Variants in IGSF9B observed in about 807,000 individuals in gnomAD.
IGSF9B encodes the protein protein turtle homolog B.
Under a neutral mutation model 143.7 loss-of-function variants are expected in IGSF9B, and 48 were observed. That is an observed-to-expected ratio of 0.33 (90% CI 0.26 to 0.42). The LOEUF (loss-of-function observed/expected upper bound fraction) is 0.42, where lower values mean the gene tolerates loss of function less well. Ranked by LOEUF, IGSF9B falls within the 20% of genes least tolerant of loss-of-function variation. The pLI, the probability that IGSF9B is intolerant of heterozygous loss-of-function variation, is 1.00. For missense variants in IGSF9B, 1,706 were observed against 1,980.0 expected, an observed-to-expected ratio of 0.86 and a Z score of 2.63; for synonymous variants, 903 against 833.1, an observed-to-expected ratio of 1.08 and a Z score of -1.44.
At chr11:133,947,708 T>TTCTCTC (rs112387633) in intron 1 of IGSF9B, among the ~76,000 whole-genome samples, 6,461 of 134,832 alleles carry the variant, frequency 0.048, 217 homozygotes, top group African/African-American at 0.075. Context: ...TCTGTGTTTG[T>TTCTCTC]TCTCTCTCTC....
At chr11:133,933,243 T>G (rs484869) in intron 7 of IGSF9B, among the ~76,000 whole-genome samples, 148,905 of 152,290 alleles carry the variant, frequency 0.98, 72,810 homozygotes, top group East Asian at 1. Flanking sequence ...CCTAGACCCC[T>G]AGCGTCAAAG....
At position 133,903,081 on chromosome 11, in the gene IGSF9B, G is replaced by A. The variant is rs752494450; in HGVS notation, c.*5988C>T. Among the ~76,000 whole-genome samples the A allele has an allele frequency of 8.0e-5, 12 of 149,710 alleles. No homozygotes were observed. Among genetic ancestry groups the A allele is most frequent in the Admixed American group, 1.3e-4 (2 of 15,002 alleles). ...CATCGTAAACCACGCACATGTTCAC[G>A]ATCCCTGGAGCCATACAGAAGTGGG... On this transcript the variant is annotated 3_prime_UTR_variant, in exon 20 of 20. Coordinates refer to ENST00000533871, the MANE Select transcript of IGSF9B (RefSeq NM_001277285.4).
intron 18 of IGSF9B, among the ~76,000 whole-genome samples, chr11:133,917,723 T>G (rs1400430725): frequency 6.6e-6 from 1 of 151,970 alleles, no homozygotes; most frequent in African/African-American, 2.4e-5. Context: ...ATCCCAACCT[T>G]GTACTCCTCG....
In IGSF9B at chr11:133,908,927, ACCCG is replaced by A. The variant is rs1255604801; in HGVS notation, c.*138_*141del. On this transcript the variant is annotated 3_prime_UTR_variant, in exon 20 of 20. Coordinates refer to ENST00000533871, the MANE Select transcript of IGSF9B (RefSeq NM_001277285.4). ...AGGCGGCCAGGATCTGGAGGGAGACACCCGCTCTGGCAAAAGAGGGGGCATGCAG... is the reference window on the plus strand; with the variant it reads ...AGGCGGCCAGGATCTGGAGGGAGACACTCTGGCAAAAGAGGGGGCATGCAG... 1 of 701,456 alleles carries A rather than the reference ACCCG, an allele frequency of 1.4e-6. No homozygotes were observed. The highest frequency in any genetic ancestry group is 2.4e-6 in the Non-Finnish European group (1 of 423,196). The allele number at this position is 701,456 out of a possible 1,614,324, so 43.5% of individuals were successfully genotyped here.
rs368881736 is a variant in IGSF9B, at chr11:133,932,176, G to A, written c.1005C>T (p.Tyr335=). 576 of 1,595,538 alleles carry A rather than the reference G, an allele frequency of 3.6e-4. No homozygotes were observed. Among genetic ancestry groups the A allele is most frequent in the Non-Finnish European group, 4.2e-4 (490 of 1,171,066 alleles). ...ARVLNMPPVI[Y]VPVGIHGYIR... ...TGTAGCCATGGATCCCCACGGGCAC[G>A]TAAATCACAGGGGGCATGTTGAGGA... The change falls in exon 8 of 20, where the codon TAC becomes TAT. Residue 335 remains tyrosine (Y), a synonymous_variant. Coordinates refer to ENST00000533871, the MANE Select transcript of IGSF9B (RefSeq NM_001277285.4).
Position 133,908,823 on chromosome 11 carries a change from CA to C in IGSF9B, c.*245del. On this transcript the variant is annotated 3_prime_UTR_variant, in exon 20 of 20. Coordinates refer to ENST00000533871, the MANE Select transcript of IGSF9B (RefSeq NM_001277285.4). ...GAAGCAGGGGGCGGAGGGGAGGAGA[CA>C]GGTGTTGCCCAGTCTCCAATCCACT... is the stretch of plus-strand genomic sequence containing the variant. 1.7e-5 allele frequency: 8 copies of C among 471,808 alleles called. No homozygotes were observed. Among genetic ancestry groups the C allele is most frequent in the South Asian group, 3.8e-5 (1 of 26,014 alleles). The allele number at this position is 471,808 out of a possible 1,614,324, so 29.2% of individuals were successfully genotyped here.
chr11:133,913,436 C>T lies in IGSF9B; in HGVS notation c.3984-1429G>A, dbSNP rs1022590958. ...GACTTACACACTAATTGCAGATAAG[C>T]CTCTGGTCTCTGGGGTTTCCTGCAT... On this transcript the variant is annotated intron_variant, in intron 18 of 19. Transcript: ENST00000533871. This position sits in a 1 kb window ranked among gnomAD's most constrained non-coding sequence, Gnocchi z 4.6. 6.6e-6 allele frequency among the ~76,000 whole-genome samples: 1 copy of T among 152,174 alleles called. No individual in the cohort carries two copies. Among genetic ancestry groups the T allele is most frequent in the Non-Finnish European group, 1.5e-5 (1 of 68,030 alleles).
At chr11:133,949,795 C>T (rs11223640) in intron 1 of IGSF9B, among the ~76,000 whole-genome samples, 3 of 151,852 alleles carry the variant, frequency 2.0e-5, no homozygotes, top group Admixed American at 2.0e-4. Context: ...CTGAGCCCCT[C>T]TCCATCACAG....
In IGSF9B at chr11:133,944,364, G is replaced by A. The variant is rs1158174189; in HGVS notation, c.265C>T (p.Arg89Trp). ...GATGCCTTATCATGAAGACTGGCCC[G>A]GCCTGGGGGAATAGAGCAGACAAAA... is the stretch of plus-strand genomic sequence containing the variant. ...PPHVDPEYAG[R>W]ASLHDKASLR... Residue 89 changes from arginine to tryptophan, a missense_variant and splice_region_variant, in exon 3 of 20, where the codon CGG becomes TGG. Transcript: ENST00000533871. 7 of 1,613,224 alleles carry A rather than the reference G, an allele frequency of 4.3e-6. No individual in the cohort carries two copies. The highest frequency in any genetic ancestry group is 2.2e-5 in the East Asian group (1 of 44,874).
chr11:133,938,016 G>T, intron 3 of IGSF9B, 55 bp from the exon 4 acceptor site: 1 of 1,576,208 alleles, frequency 6.3e-7, no homozygotes, highest in Non-Finnish European at 8.7e-7. Context: ...TCGCTGCCCT[G>T]CAACAACAGT....
chr11:133,918,693 C>G (rs1939442838), intron 18 of IGSF9B, among the ~76,000 whole-genome samples: 1 of 147,974 alleles, frequency 6.8e-6, no homozygotes, highest in Non-Finnish European at 1.5e-5. Flanking sequence ...GCTGGGCTCC[C>G]TCCTCCTCGA....
At chr11:133,933,344 A>G (rs10894764) in intron 7 of IGSF9B, among the ~76,000 whole-genome samples, 22,871 of 152,262 alleles carry the variant, frequency 0.15, 2,393 homozygotes, top group East Asian at 0.53. Flanking sequence ...CGAAGCCAAA[A>G]GAAGAACACT....
intron 16 of IGSF9B, 125 bp from the exon 17 acceptor site, chr11:133,922,347 T>C: frequency 2.0e-6 from 2 of 1,007,740 alleles, no homozygotes; most frequent in Non-Finnish European, 3.0e-6. Context: ...ACAGTGGGCA[T>C]CTTTGGCCCC....
intron 7 of IGSF9B, 97 bp downstream of exon 7, chr11:133,935,520 T>A: frequency 7.4e-7 from 1 of 1,344,664 alleles, no homozygotes; most frequent in Non-Finnish European, 1.0e-6. Context: ...TGCCCCCAAA[T>A]GATGCTTGGT....
chr11:133,947,984 G>C (rs928596047), intron 1 of IGSF9B, among the ~76,000 whole-genome samples: 2 of 151,164 alleles, frequency 1.3e-5, no homozygotes, highest in African/African-American at 4.9e-5. Context: ...TTTCTCTCTA[G>C]CTCTTGCTCT....
chr11:133,931,779 A>T lies in IGSF9B; in HGVS notation c.1127T>A (p.Leu376Gln). The change falls in exon 9 of 20, where the codon CTG becomes CAG. Residue 376 changes from leucine to glutamine, a missense_variant. By Grantham distance (113) the Leu-to-Gln change is moderately radical (BLOSUM62 -2). Around this residue, in one of 7 missense-constraint regions of IGSF9B, gnomAD observed 238 missense variants for 452.6 expected, o/e 0.53. Coordinates refer to ENST00000533871, the MANE Select transcript of IGSF9B (RefSeq NM_001277285.4). The surrounding 1 kb of genome is among the most constrained non-coding windows in gnomAD (Gnocchi z 7.7). Reference sequence around the variant, plus strand: ...AATTCGAATGGAGCCATCCTCCATCAGGGTCCAACCGAGGTTCTGCCAGAC... The same window carrying T: ...AATTCGAATGGAGCCATCCTCCATCTGGGTCCAACCGAGGTTCTGCCAGAC... ...LQVEKNLGWT[L>Q]MEDGSIRIEE... is the part of the protein sequence containing the mutation. 1 of 1,612,182 alleles carries T rather than the reference A, an allele frequency of 6.2e-7. No homozygotes were observed. The highest frequency in any genetic ancestry group is 8.5e-7 in the Non-Finnish European group (1 of 1,179,432).
rs549600376 is a variant in IGSF9B at position 133,946,584 on chromosome 11, C to G, written c.65-326G>C. On this transcript the variant is annotated intron_variant, in intron 1 of 19. Coordinates refer to ENST00000533871, the MANE Select transcript of IGSF9B (RefSeq NM_001277285.4). ...AGCCGCAGGCGTCATCCAGCCCCAC[C>G]CCCTGCTGGCATCCTGCCCCAAGAA... is the stretch of plus-strand genomic sequence containing the variant. Among the ~76,000 whole-genome samples the G allele has an allele frequency of 2.0e-5, 3 of 152,318 alleles. No individual in the cohort carries two copies. The South Asian group carries it at 6.2e-4, about 32-fold the overall frequency.
Position 133,931,008 on chromosome 11 carries a change from C to T in IGSF9B, c.1495G>A (p.Ala499Thr). 1.9e-6 allele frequency: 3 copies of T among 1,612,920 alleles called. No individual in the cohort carries two copies. The highest frequency in any genetic ancestry group is 2.5e-6 in the Non-Finnish European group (3 of 1,179,438). Residue 499 changes from alanine to threonine, a missense_variant, in exon 11 of 20, where the codon GCC (alanine) becomes ACC (threonine). This residue lies in a region of IGSF9B where 267 missense variants were observed against 321.1 expected (regional missense o/e 0.83). Transcript: ENST00000533871. This position sits in a 1 kb window ranked among gnomAD's most constrained non-coding sequence, Gnocchi z 7.7. ...VATNVVTSITASTHLTVIGTS... is the reference protein window; with the variant it reads ...VATNVVTSITTSTHLTVIGTS... ...CCGATGACGGTGAGGTGGGTGCTGG[C>T]AGTGATGCTCGTGACCACGTTGGTG...
At chr11:133,917,568 T>C in intron 18 of IGSF9B, among the ~76,000 whole-genome samples, 1 of 151,830 alleles carries the variant, frequency 6.6e-6, no homozygotes. Flanking sequence ...AAGGGCTAGG[T>C]CACATTTCAG....
Sources: gnomAD v4.1 joint callset for allele counts (sites outside exome capture counted in the v4.1 genomes callset) on GRCh38, gnomAD v4.1.1 for gene constraint, gnomAD v4.1.1 regional missense constraint, Gnocchi (gnomAD v3.1) non-coding constraint, MANE v1.5 for transcripts, NCBI Gene and HGNC (gene_info 2026-07-23, HGNC 2026-07-21) for gene names.